Variants in IPO8 observed in about 807,000 individuals in gnomAD.
IPO8 encodes importin-8.
IPO8 carries 65 observed loss-of-function variants against 141.2 expected under a neutral mutation model. That is an observed-to-expected ratio of 0.46 (90% CI 0.38 to 0.57). The LOEUF (loss-of-function observed/expected upper bound fraction) is 0.57, where lower values mean the gene tolerates loss of function less well. IPO8 is among the 20% of genes least tolerant of loss of function. IPO8 has a pLI of 0.00. For synonymous variants in IPO8, 411 were observed against 420.3 expected, an observed-to-expected ratio of 0.98 and a Z score of 0.27; for missense variants, 980 against 1,246.8, an observed-to-expected ratio of 0.79 and a Z score of 3.22.
At position 30,662,458 on chromosome 12, in the gene IPO8, G is replaced by C; in HGVS notation, c.1624C>G (p.Pro542Ala). The C allele has an allele frequency of 1.2e-6, 2 of 1,612,020 alleles. No homozygotes were observed. Among genetic ancestry groups the C allele is most frequent in the South Asian group, 2.2e-5 (2 of 91,032 alleles). ...ATGTGCAACAGTTCCTGCATAATAG[G>C]CCTCACATGTGGCTTCATATATTCC... ...AKEYMKPHVR[P>A]IMQELLHIVR... is the part of the protein sequence containing the mutation. Residue 542 changes from proline to alanine, a missense_variant, in exon 15 of 25, where the codon CCT (proline) becomes GCT (alanine). By Grantham distance (27) the Pro-to-Ala change is conservative. Transcript: ENST00000256079.
chr12:30,652,393 C>T, intron 18 of IPO8, 104 bp from the exon 19 acceptor site: 2 of 685,728 alleles, frequency 2.9e-6, no homozygotes, highest in Non-Finnish European at 5.1e-6. Context: ...TAGTATCTTC[C>T]CATGCAACCA....
At chr12:30,688,759 T>G (rs1021032432) in intron 2 of IPO8, 2 of 155,050 alleles carry the variant, frequency 1.3e-5, no homozygotes, top group Non-Finnish European at 2.9e-5. Context: ...AGCATTCTAA[T>G]GCACTGTTGG....
chr12:30,636,929 G>T, intron 22 of IPO8, 53 bp downstream of exon 22: 1 of 1,418,134 alleles, frequency 7.1e-7, no homozygotes, highest in South Asian at 1.2e-5. Context: ...CATATAAAAT[G>T]CATACACAAA....
Position 30,634,244 on chromosome 12 carries a change from T to C in IPO8, c.2738A>G (p.Gln913Arg). The C allele has an allele frequency of 1.9e-6, 3 of 1,613,906 alleles. No homozygotes were observed. The highest frequency in any genetic ancestry group is 2.5e-6 in the Non-Finnish European group (3 of 1,179,818). The part of the protein sequence containing the change: ...SDEEETNVTA[Q>R]AMQSNNGRGE... ...TCTTCCATTATTTGACTGCATTGCT[T>C]GAGCAGTTACATTTGTCTCCTCTTC... The change falls in exon 23 of 25, where the codon CAA (glutamine) becomes CGA (arginine). Residue 913 changes from glutamine to arginine, a missense_variant. Physicochemically the swap from Gln to Arg is conservative, Grantham distance 43 (BLOSUM62 1). Transcript: ENST00000256079.
chr12:30,689,924 G>T (rs895245074), intron 2 of IPO8, among the ~76,000 whole-genome samples: 5 of 151,974 alleles, frequency 3.3e-5, no homozygotes, highest in Admixed American at 6.6e-5. Flanking sequence ...ATACTCTAAG[G>T]CTCTAATTTT....
intron 2 of IPO8, chr12:30,688,251 A>G (rs1463535114): frequency 5.1e-5 from 13 of 255,128 alleles, no homozygotes; most frequent in Non-Finnish European, 9.3e-5. Flanking sequence ...CTCAAAAGAA[A>G]AGCAGCAGAC....
chr12:30,657,674 G>A (rs532137231), intron 16 of IPO8, among the ~76,000 whole-genome samples: 11 of 152,160 alleles, frequency 7.2e-5, no homozygotes, highest in East Asian at 3.9e-4. Flanking sequence ...CCACTAAACC[G>A]GGACTGGTGA....
chr12:30,635,041 T>C (rs921378563), intron 22 of IPO8, among the ~76,000 whole-genome samples: 2 of 152,134 alleles, frequency 1.3e-5, no homozygotes, highest in Admixed American at 1.3e-4. Flanking sequence ...TTGGACATTA[T>C]GATAAGTGAA....
chr12:30,664,109 A>G (rs1177045152), intron 13 of IPO8, among the ~76,000 whole-genome samples: 2 of 152,186 alleles, frequency 1.3e-5, no homozygotes, highest in Non-Finnish European at 2.9e-5. Flanking sequence ...ATAGATGATC[A>G]CATTTTAACT....
At position 30,669,279 on chromosome 12, in the gene IPO8, T is replaced by G. The variant is rs2053013663; in HGVS notation, c.1048A>C (p.Ile350Leu). ...ACAGAAAAAATCACATCTTCAGAGA[T>G]ATTCTAAAATGAGAAAAAAAAAAAA... is the stretch of plus-strand genomic sequence containing the variant. Reference protein sequence around the residue: ...WKQMKPHIQNISEDVIFSVMC... With the variant: ...WKQMKPHIQNLSEDVIFSVMC... Residue 350 changes from isoleucine to leucine, a missense_variant, in exon 10 of 25, where the codon ATC (isoleucine) becomes CTC (leucine). Around this residue, in one of 3 missense-constraint regions of IPO8, gnomAD observed 924 missense variants for 1,153.9 expected, o/e 0.80. Coordinates refer to ENST00000256079, the MANE Select transcript of IPO8 (RefSeq NM_006390.4). The G allele has an allele frequency of 6.6e-7, 1 of 1,506,504 alleles. No individual in the cohort carries two copies. The highest frequency in any genetic ancestry group is 9.0e-7 in the Non-Finnish European group (1 of 1,110,686). 93.3% of individuals were successfully genotyped at this position (1,506,504 alleles called of 1,614,324 possible). A position where few individuals can be genotyped will look rare whatever the true frequency, so the allele number is the denominator to read the frequency against.
At chr12:30,693,940 G>A (rs1367090740) in intron 1 of IPO8, among the ~76,000 whole-genome samples, 1 of 152,088 alleles carries the variant, frequency 6.6e-6, no homozygotes, top group Admixed American at 6.6e-5. Context: ...AAAAAAATAG[G>A]ATTGGGTCTT....
chr12:30,667,628 C>T (rs1219926295), intron 10 of IPO8, among the ~76,000 whole-genome samples: 2 of 152,182 alleles, frequency 1.3e-5, no homozygotes, highest in Admixed American at 6.5e-5. Context: ...CCACTGCATT[C>T]CAGTCTACAG....
chr12:30,690,937 T>C (rs1226043241), intron 1 of IPO8, among the ~76,000 whole-genome samples: 2 of 152,228 alleles, frequency 1.3e-5, no homozygotes, highest in South Asian at 2.1e-4. Context: ...ATGTTTTAAA[T>C]TGCATTTTCT....
At chr12:30,691,097 T>C (rs2053287271) in intron 1 of IPO8, among the ~76,000 whole-genome samples, 1 of 152,228 alleles carries the variant, frequency 6.6e-6, no homozygotes, top group Non-Finnish European at 1.5e-5. Flanking sequence ...CAATCTTTTA[T>C]TTGACCTATA....
chr12:30,662,522 T>C (rs1445050907), intron 14 of IPO8, 35 bp from the exon 15 acceptor site: 15 of 1,519,984 alleles, frequency 9.9e-6, no homozygotes, highest in Non-Finnish European at 1.4e-5. Flanking sequence ...TAATAAAAAT[T>C]ACCATGCCCA....
chr12:30,655,384 C>G (rs1006204626), intron 17 of IPO8, among the ~76,000 whole-genome samples: 1 of 152,030 alleles, frequency 6.6e-6, no homozygotes, highest in African/African-American at 2.4e-5. Flanking sequence ...ATTTATACAC[C>G]GTTTTGAAAT....
intron 5 of IPO8, 28 bp downstream of exon 5, chr12:30,680,454 A>G: frequency 1.9e-6 from 3 of 1,581,906 alleles, no homozygotes; most frequent in Non-Finnish European, 2.6e-6. Flanking sequence ...ACAGGACTCC[A>G]TGTTTGTTTT....
At chr12:30,631,078 G>A (rs2052425778) in intron 24 of IPO8, 121 bp from the exon 25 acceptor site, 2 of 655,722 alleles carry the variant, frequency 3.1e-6, no homozygotes, top group Non-Finnish European at 5.2e-6. Flanking sequence ...GAATGTGACT[G>A]GTAGTATTAG....
intron 3 of IPO8, 49 bp from the exon 4 acceptor site, chr12:30,681,866 GT>G: frequency 6.9e-7 from 1 of 1,449,020 alleles, no homozygotes. Flanking sequence ...TATAAATACT[GT>G]GTTTCAAAGA....
Sources: allele counts gnomAD v4.1 joint callset (sites outside exome capture counted in the v4.1 genomes callset), GRCh38; gene constraint gnomAD v4.1.1; regional missense constraint gnomAD v4.1.1; transcripts MANE v1.5; gene names NCBI Gene and HGNC (gene_info 2026-07-23, HGNC 2026-07-21).